Variants in ITIH5 observed in about 807,000 individuals in gnomAD.
The protein encoded by ITIH5 is inter-alpha-trypsin inhibitor heavy chain H5.
In ITIH5, 65 loss-of-function variants were observed where a neutral mutation model predicts 77.5. The observed-to-expected ratio is 0.84, with a 90% CI of 0.69 to 1.03. The LOEUF (loss-of-function observed/expected upper bound fraction) is 1.03, where lower values mean the gene tolerates loss of function less well. ITIH5 is among the 50% of genes least tolerant of loss of function. The pLI, the probability that ITIH5 is intolerant of heterozygous loss-of-function variation, is 0.00. For synonymous variants in ITIH5, 525 were observed against 494.3 expected, an observed-to-expected ratio of 1.06 and a Z score of -0.82; for missense variants, 1,208 against 1,213.1, an observed-to-expected ratio of 1.00 and a Z score of 0.06.
intron 7 of ITIH5, among the ~76,000 whole-genome samples, chr10:7,613,466 G>A (rs974447948): frequency 4.6e-5 from 7 of 152,064 alleles, no homozygotes; most frequent in African/African-American, 7.2e-5. Context: ...TTTGGATTTC[G>A]CAGACACAGA....
intron 2 of ITIH5, among the ~76,000 whole-genome samples, chr10:7,646,949 G>T (rs1834017686): frequency 6.6e-6 from 1 of 152,212 alleles, no homozygotes; most frequent in Admixed American, 6.5e-5. Flanking sequence ...AGTTTCAAAG[G>T]CAGAGGGCAC....
At position 7,576,988 on chromosome 10, in the gene ITIH5, C is replaced by T. The variant is rs760048178; in HGVS notation, c.1443G>A (p.Pro481=). 9.3e-6 allele frequency: 15 copies of T among 1,611,980 alleles called. No homozygotes were observed. Among genetic ancestry groups the T allele is most frequent in the African/African-American group, 8.0e-5 (6 of 74,830 alleles). The change falls in exon 10 of 14, where the codon CCG becomes CCA. Residue 481 remains proline (P), a synonymous_variant. Coordinates refer to ENST00000397146, the MANE Select transcript of ITIH5 (RefSeq NM_030569.7). ...LIGFYDEIRT[P]LLSDIRIDYP... is the part of the protein sequence containing the mutation. ...AATCGATGCGGATGTCAGAGAGGAG[C>T]GGGGTCCTGATTTCATCGTAGAACC...
chr10:7,622,656 A>T (rs956094727), intron 5 of ITIH5, among the ~76,000 whole-genome samples: 5 of 152,240 alleles, frequency 3.3e-5, no homozygotes, highest in African/African-American at 9.6e-5. Flanking sequence ...TCATAACAGG[A>T]AATTCAATAT....
At chr10:7,612,272 C>A (rs1223933893) in intron 7 of ITIH5, among the ~76,000 whole-genome samples, 1 of 152,150 alleles carries the variant, frequency 6.6e-6, no homozygotes, top group South Asian at 2.1e-4. Context: ...CATATGGTTA[C>A]TATTAGCCAT....
chr10:7,652,399 G>A (rs7919784), intron 2 of ITIH5, among the ~76,000 whole-genome samples: 18,413 of 151,966 alleles, frequency 0.12, 1,277 homozygotes, highest in East Asian at 0.29. Flanking sequence ...CATCACGCAG[G>A]GTTTCACACA....
chr10:7,628,605 T>C (rs974958250), intron 5 of ITIH5, among the ~76,000 whole-genome samples: 1 of 152,204 alleles, frequency 6.6e-6, no homozygotes, highest in African/African-American at 2.4e-5. Flanking sequence ...TGTTATCACA[T>C]GCATCCATGT....
intron 5 of ITIH5, chr10:7,618,254 C>A (rs1833407708): frequency 1.3e-5 from 2 of 151,786 alleles, no homozygotes; most frequent in Non-Finnish European, 2.9e-5. Context: ...CAGGCGTGAG[C>A]CACCATGCCC....
chr10:7,651,592 A>C (rs926405284), intron 2 of ITIH5, among the ~76,000 whole-genome samples: 1 of 151,950 alleles, frequency 6.6e-6, no homozygotes, highest in African/African-American at 2.4e-5. Flanking sequence ...TGGGCCACAG[A>C]GTGAGACTCT....
intron 5 of ITIH5, among the ~76,000 whole-genome samples, chr10:7,624,855 G>GTATATATA (rs1244622203): frequency 2.2e-5 from 2 of 90,424 alleles, no homozygotes; most frequent in South Asian, 3.7e-4. Flanking sequence ...ACATATATAT[G>GTATATATA]TGTATATATG....
At chr10:7,648,110 G>A (rs998724512) in intron 2 of ITIH5, among the ~76,000 whole-genome samples, 7 of 151,766 alleles carry the variant, frequency 4.6e-5, no homozygotes, top group South Asian at 2.1e-4. Flanking sequence ...AAAATTAGCC[G>A]GGCATGGTGG....
intron 7 of ITIH5, among the ~76,000 whole-genome samples, chr10:7,600,061 G>A (rs1165125224): frequency 6.6e-6 from 1 of 152,210 alleles, no homozygotes. Flanking sequence ...AGAGTCCAGA[G>A]CAGAGAAGGC....
intron 13 of ITIH5, 27 bp downstream of exon 13, chr10:7,566,003 C>A: frequency 6.3e-7 from 1 of 1,599,444 alleles, no homozygotes; most frequent in Non-Finnish European, 8.5e-7. Flanking sequence ...CCTCTATGCC[C>A]AGCGTGAGGA....
Position 7,559,340 on chromosome 10 carries a change from C to T in ITIH5, c.*3743G>A, listed in dbSNP as rs1210767037. 6.6e-6 allele frequency: 1 copy of T among 151,966 alleles called. No homozygotes were observed. Among genetic ancestry groups the T allele is most frequent in the Non-Finnish European group, 1.5e-5 (1 of 68,172 alleles). The allele number at this position is 151,966 out of a possible 1,614,324, so 9.4% of individuals were successfully genotyped here. ...TTTTCCCTTAGAAAAATAAACAGACCAATATGTTGTTTGTTTTTATGCATC... is the reference window on the plus strand; with the variant it reads ...TTTTCCCTTAGAAAAATAAACAGACTAATATGTTGTTTGTTTTTATGCATC... On this transcript the variant is annotated 3_prime_UTR_variant, in exon 14 of 14. Coordinates refer to ENST00000397146, the MANE Select transcript of ITIH5 (RefSeq NM_030569.7).
chr10:7,644,670 T>G (rs899498767), intron 2 of ITIH5, among the ~76,000 whole-genome samples: 2 of 140,040 alleles, frequency 1.4e-5, no homozygotes, highest in Admixed American at 7.6e-5. Flanking sequence ...ATATCATATA[T>G]ATCACATATA....
chr10:7,565,828 A>G (rs1430156137), intron 13 of ITIH5, among the ~76,000 whole-genome samples: 2 of 149,984 alleles, frequency 1.3e-5, no homozygotes, highest in Non-Finnish European at 3.0e-5. Flanking sequence ...AGTATATAAT[A>G]CATTATGTAT....
chr10:7,590,134 C>T lies in ITIH5; in HGVS notation c.940-4065G>A, dbSNP rs183954774. Among the ~76,000 whole-genome samples, 8 of 152,206 alleles carry T rather than the reference C, an allele frequency of 5.3e-5. No individual in the cohort carries two copies. In the East Asian group the frequency reaches 9.7e-4, roughly 18 times the overall value. On this transcript the variant is annotated intron_variant, in intron 7 of 13. Coordinates refer to ENST00000397146, the MANE Select transcript of ITIH5 (RefSeq NM_030569.7). ...GCGTGTCCCACAGGTAGCTCAGACT[C>T]GACTCGGTGGAGAATGGAACCTTCA... is the stretch of plus-strand genomic sequence containing the variant.
rs1170937320 is a variant in ITIH5, at chr10:7,576,180, A to G, written c.1978+273T>C. Among the ~76,000 whole-genome samples the G allele has an allele frequency of 2.6e-5, 4 of 151,974 alleles. No individual in the cohort carries two copies. The East Asian group carries it at 5.8e-4, about 22-fold the overall frequency. On this transcript the variant is annotated intron_variant, in intron 10 of 13. Coordinates refer to ENST00000397146, the MANE Select transcript of ITIH5 (RefSeq NM_030569.7). ...GCTGAGACTACAGGCATTCCACCAT[A>G]CATAGATAATTAATTTTTTTTTCTT...
Position 7,607,428 on chromosome 10 carries a change from T to C in ITIH5, c.939+8554A>G, listed in dbSNP as rs576662818. On this transcript the variant is annotated intron_variant, in intron 7 of 13. Transcript: ENST00000397146. ...TTGGAAGCCAAGGTGGGAGGATCGC[T>C]TGAGTCCAGGAGTTCAAAACTAGCA... is the stretch of plus-strand genomic sequence containing the variant. Among the ~76,000 whole-genome samples the C allele has an allele frequency of 6.4e-4, 97 of 152,280 alleles. 1 individual carries two copies. In the South Asian group the frequency reaches 0.019, roughly 30 times the overall value.
chr10:7,660,716 G>T (rs970690669), intron 1 of ITIH5, among the ~76,000 whole-genome samples: 1 of 152,200 alleles, frequency 6.6e-6, no homozygotes, highest in African/African-American at 2.4e-5. Flanking sequence ...CATCTCGAGA[G>T]TCCATCCATG....
Sources: allele counts gnomAD v4.1 joint callset (sites outside exome capture counted in the v4.1 genomes callset), GRCh38; gene constraint gnomAD v4.1.1; transcripts MANE v1.5; gene names NCBI Gene and HGNC (gene_info 2026-07-23, HGNC 2026-07-21).